Variants in PRDM16 observed in about 807,000 individuals in gnomAD.
PRDM16 encodes PR/SET domain 16.
Under a neutral mutation model 110.6 loss-of-function variants are expected in PRDM16, and 23 were observed. That is an observed-to-expected ratio of 0.21 (90% CI 0.15 to 0.29). The LOEUF is 0.29. Among genes scored for constraint, PRDM16 ranks in the 10% least tolerant of loss-of-function variants. The pLI, the probability that PRDM16 is intolerant of heterozygous loss-of-function variation, is 1.00. For synonymous variants in PRDM16, 799 were observed against 781.8 expected (o/e 1.02, Z -0.37); for missense variants, 1,615 against 1,794.3 (o/e 0.90, Z 1.81).
intron 1 of PRDM16, among the ~76,000 whole-genome samples, chr1:3,107,070 C>T (rs1642675650): frequency 6.6e-6 from 1 of 152,258 alleles, no homozygotes; most frequent in Non-Finnish European, 1.5e-5. Context: ...CAGCTCACAC[C>T]TCATCAGGGT....
intron 1 of PRDM16, among the ~76,000 whole-genome samples, chr1:3,089,146 G>A (rs984290679): frequency 4.6e-5 from 7 of 152,324 alleles, no homozygotes; most frequent in South Asian, 2.1e-4. Context: ...TGTCCTCAGC[G>A]GTGAGGGTGT....
At chr1:3,423,287 A>G (rs1320006611) in intron 12 of PRDM16, among the ~76,000 whole-genome samples, 3 of 152,240 alleles carry the variant, frequency 2.0e-5, no homozygotes, top group African/African-American at 7.2e-5. Context: ...CTGAGATTCC[A>G]AGGACAGTTT....
At chr1:3,343,665 G>A (rs909877229) in intron 3 of PRDM16, among the ~76,000 whole-genome samples, 3 of 151,714 alleles carry the variant, frequency 2.0e-5, no homozygotes, top group Admixed American at 6.6e-5. Flanking sequence ...ATGGAGTCTC[G>A]CTCTGTCACC....
chr1:3,409,158 AGT>A (rs1643624321), intron 8 of PRDM16, among the ~76,000 whole-genome samples: 1 of 112,136 alleles, frequency 8.9e-6, no homozygotes. Context: ...GGTGTGTGTG[AGT>A]GAGTGTGGGC....
rs996253128 is a variant in PRDM16 at position 3,190,977 on chromosome 1, TG to T, written c.387+4507del. Among the ~76,000 whole-genome samples the T allele has an allele frequency of 2.6e-5, 4 of 152,122 alleles. No homozygotes were observed. Among genetic ancestry groups the T allele is most frequent in the Non-Finnish European group, 1.5e-5 (1 of 68,024 alleles). ...CAGGGTCCTGCAGCTTGGGGCCTGC[TG>T]GGGCGGGATCCCGCAGGACCCCCAG... On this transcript the variant is annotated intron_variant, in intron 2 of 16. Coordinates refer to ENST00000270722, the MANE Select transcript of PRDM16 (RefSeq NM_022114.4). The surrounding 1 kb of genome is among the most constrained non-coding windows in gnomAD (Gnocchi z 5.0).
intron 1 of PRDM16, among the ~76,000 whole-genome samples, chr1:3,151,243 C>T (rs942344079): frequency 1.3e-5 from 2 of 152,224 alleles, no homozygotes; most frequent in Non-Finnish European, 2.9e-5. Context: ...CCCATCTGGT[C>T]TAGAGAAGGC....
At chr1:3,391,077 C>A (rs1193880567) in intron 4 of PRDM16, among the ~76,000 whole-genome samples, 1 of 152,194 alleles carries the variant, frequency 6.6e-6, no homozygotes, top group Non-Finnish European at 1.5e-5. Flanking sequence ...CTTGGGTGAT[C>A]TGCCCGCCTC....
chr1:3,094,592 A>T (rs1376152471), intron 1 of PRDM16, among the ~76,000 whole-genome samples: 1 of 152,204 alleles, frequency 6.6e-6, no homozygotes, highest in African/African-American at 2.4e-5. Context: ...CGTCACTTCC[A>T]CTGGGCCCTG....
In PRDM16 at chr1:3,411,725, C is replaced by T. The variant is rs1557661138; in HGVS notation, c.1528C>T (p.Leu510Phe). 6.2e-7 allele frequency: 1 copy of T among 1,611,260 alleles called. No homozygotes were observed. ...CACGGCGCCTCCCACGTTCCCCGCA[C>T]TCACCCCCGGCTTCCCGGGCATCTT... ...FSTAPPTFPALTPGFPGIFPP... is the reference protein window; with the variant it reads ...FSTAPPTFPAFTPGFPGIFPP... The change falls in exon 9 of 17, where the codon CTC (leucine) becomes TTC (phenylalanine). Residue 510 changes from leucine (L) to phenylalanine (F), a missense_variant. By Grantham distance (22) the Leu-to-Phe change is conservative (BLOSUM62 0). This residue lies in a region of PRDM16 where 772 missense variants were observed against 748.3 expected (regional missense o/e 1.03). Transcript: ENST00000270722.
chr1:3,321,521 G>C (rs1426180114), intron 3 of PRDM16, among the ~76,000 whole-genome samples: 2 of 149,276 alleles, frequency 1.3e-5, no homozygotes, highest in African/African-American at 5.1e-5. Flanking sequence ...TTTGTGTGGG[G>C]GTGCATGTGT....
chr1:3,084,853 TTGG>T (rs1642114261), intron 1 of PRDM16, among the ~76,000 whole-genome samples: 1 of 152,118 alleles, frequency 6.6e-6, no homozygotes, highest in Non-Finnish European at 1.5e-5. Context: ...AAGTGATTCT[TTGG>T]GCCAGTAGCT....
intron 2 of PRDM16, among the ~76,000 whole-genome samples, chr1:3,223,887 G>A (rs565355356): frequency 3.9e-5 from 6 of 152,282 alleles, no homozygotes; most frequent in African/African-American, 7.2e-5. Context: ...TTTAAACACC[G>A]TGAGCAGATG....
intron 3 of PRDM16, among the ~76,000 whole-genome samples, chr1:3,274,222 T>G (rs1640531611): frequency 1.3e-5 from 2 of 152,162 alleles, no homozygotes; most frequent in Admixed American, 6.5e-5. Context: ...GTAACTTTCA[T>G]CAGGCATCTC....
At chr1:3,271,547 G>A (rs1240181750) in intron 3 of PRDM16, among the ~76,000 whole-genome samples, 2 of 152,220 alleles carry the variant, frequency 1.3e-5, no homozygotes, top group African/African-American at 4.8e-5. Flanking sequence ...AGCTGCCCTT[G>A]GGGGTGAACC....
chr1:3,383,741 C>T (rs1211292409), intron 3 of PRDM16, among the ~76,000 whole-genome samples: 1 of 152,208 alleles, frequency 6.6e-6, no homozygotes, highest in African/African-American at 2.4e-5. Context: ...ACTGTTTTCA[C>T]TTGGACAGGT....
chr1:3,402,425 C>G (rs1326034179), intron 5 of PRDM16, among the ~76,000 whole-genome samples: 1 of 152,256 alleles, frequency 6.6e-6, no homozygotes, highest in Non-Finnish European at 1.5e-5. Context: ...CATCGTTTTT[C>G]TCCTGATTCA....
chr1:3,360,609 G>A (rs55717224), intron 3 of PRDM16, among the ~76,000 whole-genome samples: 13 of 152,310 alleles, frequency 8.5e-5, no homozygotes, highest in African/African-American at 2.9e-4. Flanking sequence ...TCACAGCAGA[G>A]GAGGAGGGCC....
rs1312935714 is a variant in PRDM16 at position 3,186,393 on chromosome 1, G to A, written c.306G>A (p.Arg102=). 11 of 1,606,478 alleles carry A rather than the reference G, an allele frequency of 6.8e-6. No individual in the cohort carries two copies. Among genetic ancestry groups the A allele is most frequent in the Non-Finnish European group, 9.3e-6 (11 of 1,177,230 alleles). The change falls in exon 2 of 17, where the codon AGG becomes AGA. Residue 102 remains arginine (R), a synonymous_variant. Transcript: ENST00000270722. ...PGAGLGVWAK[R]KMEAGERLGP... is the part of the protein sequence containing the mutation. ...CTGGCCTGGGGGTCTGGGCCAAGAG[G>A]AAGATGGAAGCCGGGGAGAGGCTGG...
chr1:3,155,981 G>A (rs1026418946), intron 1 of PRDM16, among the ~76,000 whole-genome samples: 9 of 152,210 alleles, frequency 5.9e-5, no homozygotes, highest in Non-Finnish European at 1.2e-4. Context: ...TCATGCATTT[G>A]TCACTGTGGT....
Sources: allele counts gnomAD v4.1 joint callset (sites outside exome capture counted in the v4.1 genomes callset), GRCh38; gene constraint gnomAD v4.1.1; regional missense constraint gnomAD v4.1.1; non-coding constraint Gnocchi (gnomAD v3.1); transcripts MANE v1.5; gene names NCBI Gene and HGNC (gene_info 2026-07-23, HGNC 2026-07-21).